The following ZFP1 variants were observed in gnomAD, a reference collection of about 807,000 sequenced individuals.
ZFP1 encodes the protein zinc finger protein 1 homolog.
In ZFP1, 32 loss-of-function variants were observed where a neutral mutation model predicts 38.5. That is an observed-to-expected ratio of 0.83 (90% CI 0.63 to 1.12). The LOEUF is 1.12. ZFP1 is among the 50% of genes most tolerant of loss of function. ZFP1 has a pLI of 0.00. For missense variants in ZFP1, 616 were observed against 480.8 expected, an observed-to-expected ratio of 1.28 and a Z score of -2.63; for synonymous variants, 245 against 168.8, an observed-to-expected ratio of 1.45 and a Z score of -3.50.
chr16:75,157,679 C>G lies in ZFP1; in HGVS notation c.15+4713C>G, dbSNP rs569165312. The stretch of plus-strand genomic sequence containing the variant: ...ATATATGGTTATGGATGTGTGCACA[C>G]ATATGATTCTGTCTTCCTGATGGAC... On this transcript the variant is annotated intron_variant, in intron 2 of 3. Coordinates refer to ENST00000570010, the MANE Select transcript of ZFP1 (RefSeq NM_153688.4). Among the ~76,000 whole-genome samples, 12 of 152,284 alleles carry G rather than the reference C, an allele frequency of 7.9e-5. 1 individual carries two copies. The highest frequency in any genetic ancestry group is 2.9e-4 in the African/African-American group (12 of 41,564).
chr16:75,139,242 G>A, the ZFP1 span, among the ~76,000 whole-genome samples: 1 of 151,742 alleles, frequency 6.6e-6, no homozygotes, highest in African/African-American at 2.4e-5. Flanking sequence ...GGTGGCGGGT[G>A]CCTGTAGTCC....
intron 2 of ZFP1, among the ~76,000 whole-genome samples, chr16:75,163,761 A>T (rs749965566): frequency 6.6e-6 from 1 of 151,778 alleles, no homozygotes. Context: ...ACAGGTGTGC[A>T]CCACCACGTC....
chr16:75,147,186 C>G (rs1053228308), upstream of ZFP1, among the ~76,000 whole-genome samples: 4 of 151,978 alleles, frequency 2.6e-5, no homozygotes, highest in Non-Finnish European at 4.4e-5. Context: ...CTATTCTGTA[C>G]GATACTGTAA....
upstream of ZFP1, among the ~76,000 whole-genome samples, chr16:75,144,842 C>A (rs2036926381): frequency 6.6e-6 from 1 of 151,690 alleles, no homozygotes; most frequent in Admixed American, 6.6e-5. Context: ...CTTTTCTTTT[C>A]TTTTAAGAAA....
rs1346926833 is a variant in ZFP1 at position 75,164,085 on chromosome 16, TTC to T, written c.16-2683_16-2682del. On this transcript the variant is annotated intron_variant, in intron 2 of 3. Coordinates refer to ENST00000570010, the MANE Select transcript of ZFP1 (RefSeq NM_153688.4). ...GTCATGTTATGTGCATTTTTTGGAA[TTC>T]TGTTTATTGATGTTCCTGTGGACAG... is the stretch of plus-strand genomic sequence containing the variant. 4.6e-5 allele frequency among the ~76,000 whole-genome samples: 7 copies of T among 152,360 alleles called. No homozygotes were observed. The East Asian group carries it at 5.8e-4, about 13-fold the overall frequency.
At chr16:75,153,131 CT>C (rs1386138708) in intron 2 of ZFP1, among the ~76,000 whole-genome samples, 165 bp downstream of exon 2, 3 of 152,182 alleles carry the variant, frequency 2.0e-5, no homozygotes, top group Admixed American at 1.3e-4. Context: ...AATTAAATGT[CT>C]TGCATTGGTT....
At chr16:75,154,702 G>T (rs2037385157) in intron 2 of ZFP1, among the ~76,000 whole-genome samples, 1 of 151,950 alleles carries the variant, frequency 6.6e-6, no homozygotes, top group South Asian at 2.1e-4. Context: ...CCGAGAGAGG[G>T]AACCTCCTGA....
the ZFP1 span, among the ~76,000 whole-genome samples, chr16:75,142,738 T>C: frequency 6.6e-6 from 1 of 152,218 alleles, no homozygotes; most frequent in Non-Finnish European, 1.5e-5. Context: ...AGTCTCACTT[T>C]GTCACCCAGG....
At chr16:75,127,363 T>A in the ZFP1 span, among the ~76,000 whole-genome samples, 3 of 151,962 alleles carry the variant, frequency 2.0e-5, no homozygotes, top group East Asian at 5.8e-4. Context: ...GATTCTTAAC[T>A]CCGGCCTGGG....
Position 75,169,545 on chromosome 16 carries a change from G to A in ZFP1, c.435G>A (p.Lys145=). Residue 145 remains lysine (K), a synonymous_variant, in exon 4 of 4, where the codon AAG becomes AAA. Transcript: ENST00000570010. ...NEFGKALLYL[K]QEKTHSGVEY... ...TTGGAAAAGCACTTCTCTACCTGAA[G>A]CAAGAGAAAACCCACAGTGGAGTAG... 5.0e-6 allele frequency: 8 copies of A among 1,612,502 alleles called. No individual in the cohort carries two copies. Among genetic ancestry groups the A allele is most frequent in the Non-Finnish European group, 6.8e-6 (8 of 1,179,698 alleles).
chr16:75,142,057 G>GAA, the ZFP1 span, among the ~76,000 whole-genome samples: 3 of 119,002 alleles, frequency 2.5e-5, no homozygotes. Context: ...CCATCTCAAA[G>GAA]AAAAAAAAAA....
upstream of ZFP1, among the ~76,000 whole-genome samples, chr16:75,145,974 A>T (rs894373065): frequency 7.2e-5 from 11 of 152,274 alleles, no homozygotes; most frequent in African/African-American, 2.6e-4. Context: ...CCTAGATGCT[A>T]CCATGGGGCC....
chr16:75,126,932 G>T, the ZFP1 span, among the ~76,000 whole-genome samples: 28 of 152,280 alleles, frequency 1.8e-4, no homozygotes, highest in South Asian at 5.6e-3. Context: ...ATAAAATGGT[G>T]TTTGGTTTTC....
chr16:75,128,217 G>A, the ZFP1 span, among the ~76,000 whole-genome samples: 1 of 152,138 alleles, frequency 6.6e-6, no homozygotes, highest in African/African-American at 2.4e-5. Flanking sequence ...TGGGGCCCAG[G>A]AGCCCCACGT....
At chr16:75,120,988 GT>G in the ZFP1 span, among the ~76,000 whole-genome samples, 4 of 152,124 alleles carry the variant, frequency 2.6e-5, no homozygotes, top group African/African-American at 9.7e-5. Context: ...TTTAAAAGAA[GT>G]TTTTTAAAAA....
chr16:75,152,259 T>C lies in ZFP1; in HGVS notation c.-43-650T>C, dbSNP rs904571920. Reference sequence around the variant, plus strand: ...TTGGACCTGTGGTTTCATATTATTATTTTTGGAAAATTCTTGTCCATTATG... The same window carrying C: ...TTGGACCTGTGGTTTCATATTATTACTTTTGGAAAATTCTTGTCCATTATG... On this transcript the variant is annotated intron_variant, in intron 1 of 3. Coordinates refer to ENST00000570010, the MANE Select transcript of ZFP1 (RefSeq NM_153688.4). Among the ~76,000 whole-genome samples the C allele has an allele frequency of 2.0e-5, 3 of 151,414 alleles. No homozygotes were observed. In the East Asian group the frequency reaches 5.8e-4, roughly 29 times the overall value.
At chr16:75,159,154 C>T (rs527954025) in intron 2 of ZFP1, among the ~76,000 whole-genome samples, 8 of 151,912 alleles carry the variant, frequency 5.3e-5, no homozygotes, top group African/African-American at 1.9e-4. Flanking sequence ...ACCTTAGCCG[C>T]CCAATGTGCT....
At chr16:75,167,177 T>G (rs1177516361) in intron 3 of ZFP1, among the ~76,000 whole-genome samples, 1 of 152,208 alleles carries the variant, frequency 6.6e-6, no homozygotes, top group Non-Finnish European at 1.5e-5. Context: ...AGCATAGAGT[T>G]GTCAATTCAG....
At chr16:75,142,993 C>T in the ZFP1 span, among the ~76,000 whole-genome samples, 61 of 151,968 alleles carry the variant, frequency 4.0e-4, no homozygotes, top group African/African-American at 1.4e-3. Flanking sequence ...TGAGCCACTG[C>T]ACCCAGTCCC....
Sources: gnomAD v4.1 joint callset for allele counts (sites outside exome capture counted in the v4.1 genomes callset) on GRCh38, gnomAD v4.1.1 for gene constraint, MANE v1.5 for transcripts, NCBI Gene and HGNC (gene_info 2026-07-23, HGNC 2026-07-21) for gene names.